Variants in TBXAS1 observed in about 807,000 individuals in gnomAD.
TBXAS1 encodes the protein thromboxane A synthase 1.
Under a neutral mutation model 60.7 loss-of-function variants are expected in TBXAS1, and 48 were observed. The observed-to-expected ratio is 0.79, with a 90% CI of 0.63 to 1.01. The LOEUF is 1.01. TBXAS1 is among the 50% of genes least tolerant of loss of function. TBXAS1 has a pLI of 0.00. For synonymous variants in TBXAS1, 287 were observed against 269.7 expected (o/e 1.06, Z -0.63); for missense variants, 685 against 686.3 (o/e 1.00, Z 0.02).
chr7:139,876,763 C>T (rs971137272), intron 3 of TBXAS1, among the ~76,000 whole-genome samples: 4 of 152,190 alleles, frequency 2.6e-5, no homozygotes, highest in Non-Finnish European at 4.4e-5. Flanking sequence ...GTCATTGCTG[C>T]ATAATGGACT....
At chr7:139,974,649 G>C (rs1270239126) in intron 9 of TBXAS1, among the ~76,000 whole-genome samples, 1 of 152,144 alleles carries the variant, frequency 6.6e-6, no homozygotes, top group African/African-American at 2.4e-5. Flanking sequence ...AAGATTAAAC[G>C]AGTTAAGAAT....
At chr7:139,872,863 C>T (rs1801924537) in intron 2 of TBXAS1, among the ~76,000 whole-genome samples, 1 of 152,116 alleles carries the variant, frequency 6.6e-6, no homozygotes, top group Non-Finnish European at 1.5e-5. Context: ...TGAGTCCTGT[C>T]ATCCATTCAC....
In TBXAS1 at chr7:139,975,082, GAC is replaced by G. The variant is rs1381108482; in HGVS notation, c.1134+12853_1134+12854del. On this transcript the variant is annotated intron_variant, in intron 9 of 12. Transcript: ENST00000448866. The surrounding 1 kb of genome is among the most constrained non-coding windows in gnomAD (Gnocchi z 4.4). ...AGGCAGGAGTCAATGCAACAGTCTAGACACAGAATTCTTTCTTCGCCAGAAAA... is the reference window on the plus strand; with the variant it reads ...AGGCAGGAGTCAATGCAACAGTCTAGACAGAATTCTTTCTTCGCCAGAAAA... Among the ~76,000 whole-genome samples the G allele has an allele frequency of 6.6e-6, 1 of 152,220 alleles. No homozygotes were observed. The highest frequency in any genetic ancestry group is 2.4e-5 in the African/African-American group (1 of 41,464).
chr7:139,866,176 A>T (rs1364301450), intron 1 of TBXAS1, among the ~76,000 whole-genome samples: 5 of 152,228 alleles, frequency 3.3e-5, no homozygotes, highest in Non-Finnish European at 7.3e-5. Context: ...ATTACATACC[A>T]GTGTTTAAAA....
chr7:139,848,115 C>G (rs1028830401), intron 1 of TBXAS1, among the ~76,000 whole-genome samples: 2 of 151,064 alleles, frequency 1.3e-5, no homozygotes, highest in Admixed American at 6.6e-5. Flanking sequence ...GCAACCATCC[C>G]TGGCTAATTT....
At chr7:139,968,809 C>G (rs1304682949) in intron 9 of TBXAS1, among the ~76,000 whole-genome samples, 3 of 152,154 alleles carry the variant, frequency 2.0e-5, no homozygotes. Flanking sequence ...GGAGGTAGTA[C>G]GTTCAGTAAA....
At chr7:139,911,742 T>TG (rs1369441179) in intron 4 of TBXAS1, among the ~76,000 whole-genome samples, 2 of 152,178 alleles carry the variant, frequency 1.3e-5, no homozygotes, top group Non-Finnish European at 2.9e-5. Flanking sequence ...GTATTAAGGC[T>TG]GGAAAGGGAA....
At chr7:139,944,744 C>T (rs114582103) in intron 5 of TBXAS1, among the ~76,000 whole-genome samples, 1 of 152,082 alleles carries the variant, frequency 6.6e-6, no homozygotes, top group Admixed American at 6.6e-5. Flanking sequence ...ACAAGTCACC[C>T]AAGCTACACA....
At chr7:139,915,351 A>G (rs1324299392) in intron 4 of TBXAS1, among the ~76,000 whole-genome samples, 1 of 152,224 alleles carries the variant, frequency 6.6e-6, no homozygotes. Flanking sequence ...CTAATAGGCC[A>G]TGTTTACTTA....
intron 4 of TBXAS1, among the ~76,000 whole-genome samples, chr7:139,919,086 A>G (rs1806234635): frequency 1.3e-5 from 2 of 152,186 alleles, no homozygotes; most frequent in African/African-American, 4.8e-5. Context: ...CCAGATAGCA[A>G]TAGATATAAA....
At chr7:139,974,945 C>CGAACTAATAGGACAGAGACAGAAA (rs1288282979) in intron 9 of TBXAS1, among the ~76,000 whole-genome samples, 4 of 152,244 alleles carry the variant, frequency 2.6e-5, no homozygotes, top group African/African-American at 9.6e-5. Flanking sequence ...CCAGAGGAAC[C>CGAACTAATAGGACAGAGACAGAAA]GAACTAATAG....
chr7:139,855,428 G>A (rs1262441660), intron 1 of TBXAS1, among the ~76,000 whole-genome samples: 1 of 151,978 alleles, frequency 6.6e-6, no homozygotes, highest in Non-Finnish European at 1.5e-5. Context: ...TGTCAGGCGT[G>A]GGCTGCCCTG....
intron 6 of TBXAS1, 76 bp from the exon 7 acceptor site, chr7:139,955,383 T>G: frequency 6.3e-7 from 1 of 1,580,848 alleles, no homozygotes; most frequent in South Asian, 1.1e-5. Flanking sequence ...ATTCAGGCCC[T>G]CCTCCTCTGG....
intron 1 of TBXAS1, among the ~76,000 whole-genome samples, chr7:139,857,481 TAAAC>T (rs1284502252): frequency 6.6e-6 from 1 of 152,196 alleles, no homozygotes; most frequent in Non-Finnish European, 1.5e-5. Context: ...AACCAATACT[TAAAC>T]AAACAAAAGC....
intron 12 of TBXAS1, among the ~76,000 whole-genome samples, chr7:140,018,730 C>T (rs1815299044): frequency 6.6e-6 from 1 of 152,234 alleles, no homozygotes; most frequent in Admixed American, 6.5e-5. Flanking sequence ...TAAGGCCACA[C>T]AGCAGGACTG....
chr7:139,976,585 C>T (rs1262142754), intron 9 of TBXAS1, among the ~76,000 whole-genome samples: 4 of 152,154 alleles, frequency 2.6e-5, no homozygotes, highest in African/African-American at 7.2e-5. Context: ...TGCATGCCAC[C>T]GGTCAGACCA....
chr7:139,918,651 C>T (rs539037499), intron 4 of TBXAS1, among the ~76,000 whole-genome samples: 2 of 152,302 alleles, frequency 1.3e-5, no homozygotes, highest in South Asian at 4.1e-4. Flanking sequence ...TCCTCCTCCT[C>T]CCCAGTGGAT....
At chr7:139,807,415 C>T (rs989686145) in intron 4 of TBXAS1, among the ~76,000 whole-genome samples, 7 of 151,584 alleles carry the variant, frequency 4.6e-5, no homozygotes, top group Admixed American at 1.3e-4. Flanking sequence ...GATGGAGTCT[C>T]GCTCTGTCAC....
upstream of TBXAS1, among the ~76,000 whole-genome samples, chr7:139,828,962 T>TAGATAG (rs1439003647): frequency 6.6e-6 from 1 of 151,568 alleles, no homozygotes. Context: ...TAGATGGATG[T>TAGATAG]AGATATAGAT....
Sources: allele counts gnomAD v4.1 joint callset (sites outside exome capture counted in the v4.1 genomes callset), GRCh38; gene constraint gnomAD v4.1.1; non-coding constraint Gnocchi (gnomAD v3.1); transcripts MANE v1.5; gene names NCBI Gene and HGNC (gene_info 2026-07-23, HGNC 2026-07-21).